Variants in STX11 observed in about 807,000 individuals in gnomAD.
STX11 encodes syntaxin-11.
In STX11, 21 loss-of-function variants were observed where a neutral mutation model predicts 19.9. The ratio of observed to expected loss-of-function variants is 1.06; its 90% CI spans 0.75 to 1.52. The LOEUF (loss-of-function observed/expected upper bound fraction) is 1.52. Among genes scored for constraint, STX11 ranks in the 40% most tolerant of loss-of-function variants. The probability of loss-of-function intolerance (pLI) is 0.00; values close to 1 mark genes in which losing one functional copy is unlikely to be tolerated. For synonymous variants in STX11, 193 were observed against 174.4 expected, an observed-to-expected ratio of 1.11 and a Z score of -0.84; for missense variants, 438 against 405.9, an observed-to-expected ratio of 1.08 and a Z score of -0.68.
chr6:144,185,584 T>C (rs993630642), intron 1 of STX11, among the ~76,000 whole-genome samples: 3 of 152,212 alleles, frequency 2.0e-5, no homozygotes, highest in Non-Finnish European at 4.4e-5. Context: ...AACATTCTGC[T>C]TGAGCTGCCA....
At position 144,162,246 on chromosome 6, in the gene STX11, T is replaced by C. The variant is rs1430611965; in HGVS notation, c.-6+11543T>C. ...TAGATACTCGGCCTTTTATTATGAGTTCTGAGTCTTTAGAAATTTATTTGA... is the reference window on the plus strand; with the variant it reads ...TAGATACTCGGCCTTTTATTATGAGCTCTGAGTCTTTAGAAATTTATTTGA... On this transcript the variant is annotated intron_variant, in intron 1 of 1. Transcript: ENST00000367568. This position sits in a 1 kb window ranked among gnomAD's most constrained non-coding sequence, Gnocchi z 4.6. 6.6e-6 allele frequency among the ~76,000 whole-genome samples: 1 copy of C among 152,200 alleles called. No homozygotes were observed. The highest frequency in any genetic ancestry group is 2.4e-5 in the African/African-American group (1 of 41,438).
chr6:144,171,881 T>C (rs1342631873), intron 1 of STX11, among the ~76,000 whole-genome samples: 1 of 152,154 alleles, frequency 6.6e-6, no homozygotes, highest in Middle Eastern at 3.2e-3. Flanking sequence ...ATCACAAAGG[T>C]CTACTGAATT....
At position 144,175,455 on chromosome 6, in the gene STX11, T is replaced by C. The variant is rs1801754779; in HGVS notation, c.-5-11168T>C. 6.6e-6 allele frequency among the ~76,000 whole-genome samples: 1 copy of C among 152,140 alleles called. No homozygotes were observed. Among genetic ancestry groups the C allele is most frequent in the Admixed American group, 6.5e-5 (1 of 15,280 alleles). The stretch of plus-strand genomic sequence containing the variant: ...CCGAGTAGCTGGGACTACAGGTATA[T>C]GCCACCACGCCCAGCTGATTTTTGT... On this transcript the variant is annotated intron_variant, in intron 1 of 1. Coordinates refer to ENST00000367568, the MANE Select transcript of STX11 (RefSeq NM_003764.4). The surrounding 1 kb of genome is among the most constrained non-coding windows in gnomAD (Gnocchi z 5.1).
Position 144,177,096 on chromosome 6 carries a change from G to A in STX11, c.-5-9527G>A, listed in dbSNP as rs150818600. Among the ~76,000 whole-genome samples, 472 of 152,222 alleles carry A rather than the reference G, an allele frequency of 3.1e-3. 3 individuals carry two copies. The highest frequency in any genetic ancestry group is 0.01 in the Middle Eastern group (3 of 294). ...TAAAGGAATGTAAAAATTCTTAACT[G>A]GTGTTACGAGTTGGAAAAGAAAAGG... On this transcript the variant is annotated intron_variant, in intron 1 of 1. Transcript: ENST00000367568. The surrounding 1 kb of genome is among the most constrained non-coding windows in gnomAD (Gnocchi z 4.4).
At chr6:144,145,494 T>C in the STX11 span, among the ~76,000 whole-genome samples, 1 of 152,170 alleles carries the variant, frequency 6.6e-6, no homozygotes, top group African/African-American at 2.4e-5. Context: ...AGATATAGAA[T>C]CAACATAAGT....
rs553007900 is a variant in STX11 at position 144,190,060 on chromosome 6, C to T, written c.*2569C>T. Among the ~76,000 whole-genome samples, 77 of 152,254 alleles carry T rather than the reference C, an allele frequency of 5.1e-4. No homozygotes were observed. Among genetic ancestry groups the T allele is most frequent in the African/African-American group, 1.7e-3 (69 of 41,546 alleles). On this transcript the variant is annotated 3_prime_UTR_variant, in exon 2 of 2. Coordinates refer to ENST00000367568, the MANE Select transcript of STX11 (RefSeq NM_003764.4). ...TCAGGCTCTATATACATTTTAATTC[C>T]TCACGTTTTATATTGGAGAGTTCGG...
Position 144,175,911 on chromosome 6 carries a change from T to G in STX11, c.-5-10712T>G, listed in dbSNP as rs766502160. Among the ~76,000 whole-genome samples, 1 of 152,202 alleles carries G rather than the reference T, an allele frequency of 6.6e-6. No individual in the cohort carries two copies. Among genetic ancestry groups the G allele is most frequent in the Non-Finnish European group, 1.5e-5 (1 of 68,050 alleles). On this transcript the variant is annotated intron_variant, in intron 1 of 1. Coordinates refer to ENST00000367568, the MANE Select transcript of STX11 (RefSeq NM_003764.4). This position sits in a 1 kb window ranked among gnomAD's most constrained non-coding sequence, Gnocchi z 5.1. ...GATGTGGCTTACATCTGTGGGACTGTGCATTCTGATCTTGAAGCCAGCATT... is the reference window on the plus strand; with the variant it reads ...GATGTGGCTTACATCTGTGGGACTGGGCATTCTGATCTTGAAGCCAGCATT...
Position 144,189,693 on chromosome 6 carries a change from G to A in STX11, c.*2202G>A, listed in dbSNP as rs547432193. Among the ~76,000 whole-genome samples the A allele has an allele frequency of 9.5e-4, 144 of 152,302 alleles. 1 individual carries two copies. The highest frequency in any genetic ancestry group is 3.4e-3 in the African/African-American group (143 of 41,582). On this transcript the variant is annotated 3_prime_UTR_variant, in exon 2 of 2. Coordinates refer to ENST00000367568, the MANE Select transcript of STX11 (RefSeq NM_003764.4). ...GGAGCTCACTGCCTGACTTGCTTAT[G>A]ACCAGGAAAATCTATCCCCTGTATC...
At chr6:144,173,432 G>A (rs997328219) in intron 1 of STX11, among the ~76,000 whole-genome samples, 3 of 152,128 alleles carry the variant, frequency 2.0e-5, no homozygotes, top group Admixed American at 6.5e-5. Flanking sequence ...CAATTTTACC[G>A]AGGTCTAAGG....
intron 1 of STX11, among the ~76,000 whole-genome samples, chr6:144,168,972 A>G (rs1346920633): frequency 2.0e-5 from 3 of 152,232 alleles, no homozygotes; most frequent in Non-Finnish European, 2.9e-5. Context: ...AATTCTTGCA[A>G]CTGTCATCCA....
At chr6:144,148,425 A>G (rs1158030823), upstream of STX11, among the ~76,000 whole-genome samples, 1 of 152,190 alleles carries the variant, frequency 6.6e-6, no homozygotes, top group Non-Finnish European at 1.5e-5. Flanking sequence ...AAAATATAAC[A>G]TACCTCATCC....
Position 144,187,758 on chromosome 6 carries a change from C to G in STX11, c.*267C>G. ...ATATGACACCTTGCACTCTTACCGT[C>G]TTGACAGAAGCCAAGTAAGGAACTG... On this transcript the variant is annotated 3_prime_UTR_variant, in exon 2 of 2. Coordinates refer to ENST00000367568, the MANE Select transcript of STX11 (RefSeq NM_003764.4). The surrounding 1 kb of genome is among the most constrained non-coding windows in gnomAD (Gnocchi z 5.6). The G allele has an allele frequency of 1.7e-6, 1 of 572,700 alleles. No homozygotes were observed. The highest frequency in any genetic ancestry group is 2.1e-5 in the South Asian group (1 of 46,946). 35.5% of individuals were successfully genotyped at this position (572,700 alleles called of 1,614,324 possible). A position where few individuals can be genotyped will look rare whatever the true frequency, so the allele number is the denominator to read the frequency against.
upstream of STX11, among the ~76,000 whole-genome samples, chr6:144,149,519 C>T (rs1177796811): frequency 6.6e-6 from 1 of 152,284 alleles, no homozygotes; most frequent in East Asian, 1.9e-4. This position sits in a 1 kb window ranked among gnomAD's most constrained non-coding sequence, Gnocchi z 5.1. Flanking sequence ...TTCTGTCGCC[C>T]AGGCTGGAGT....
rs1800979911 is a variant in STX11, at chr6:144,150,678, G to T, written c.-31G>T. 6.1e-6 allele frequency: 6 copies of T among 985,392 alleles called. No homozygotes were observed. Among genetic ancestry groups the T allele is most frequent in the Non-Finnish European group, 7.2e-6 (6 of 829,952 alleles). The allele number at this position is 985,392 out of a possible 1,614,324, so 61.0% of individuals were successfully genotyped here. On this transcript the variant is annotated 5_prime_UTR_variant, in exon 1 of 2. Coordinates refer to ENST00000367568, the MANE Select transcript of STX11 (RefSeq NM_003764.4). ...CGCCCTGCCGGGAGAGGGGCTTCTC[G>T]GTTCGCACTCTCGCTCCCAGTCCAG... is the stretch of plus-strand genomic sequence containing the variant.
chr6:144,176,358 C>G lies in STX11; in HGVS notation c.-5-10265C>G, dbSNP rs1801777867. Among the ~76,000 whole-genome samples, 1 of 151,996 alleles carries G rather than the reference C, an allele frequency of 6.6e-6. No homozygotes were observed. The highest frequency in any genetic ancestry group is 2.1e-4 in the South Asian group (1 of 4,826). ...TGGGTGAACTTAACTTCTCCGAGAC[C>G]CAGTTATTAGTAAATCGAAAATGAT... On this transcript the variant is annotated intron_variant, in intron 1 of 1. Coordinates refer to ENST00000367568, the MANE Select transcript of STX11 (RefSeq NM_003764.4). The surrounding 1 kb of genome is among the most constrained non-coding windows in gnomAD (Gnocchi z 4.1).
chr6:144,156,537 C>T (rs1262757469), intron 1 of STX11, among the ~76,000 whole-genome samples: 1 of 152,198 alleles, frequency 6.6e-6, no homozygotes, highest in African/African-American at 2.4e-5. Flanking sequence ...TCAATTTCAG[C>T]TTTTCAGAAT....
In STX11 at chr6:144,186,810, C is replaced by T. The variant is rs374922198; in HGVS notation, c.183C>T (p.Asp61=). The T allele has an allele frequency of 1.5e-5, 25 of 1,613,606 alleles. No homozygotes were observed. The highest frequency in any genetic ancestry group is 1.6e-4 in the Middle Eastern group (1 of 6,084). The stretch of plus-strand genomic sequence containing the variant: ...ATGAAAACCAGCTGCTGGTGGCCGA[C>T]GTGAAGCGGCTGGGAAAGCAGAACG... ...IQDENQLLVA[D]VKRLGKQNAR... The change falls in exon 2 of 2, where the codon GAC becomes GAT. Residue 61 remains aspartate, a synonymous_variant. Transcript: ENST00000367568.
intron 1 of STX11, among the ~76,000 whole-genome samples, chr6:144,178,870 C>G (rs986341508): frequency 2.6e-5 from 4 of 151,582 alleles, no homozygotes; most frequent in Non-Finnish European, 5.9e-5. Context: ...TTCGGAGCAG[C>G]AAGAAAATTA....
chr6:144,150,341 G>A (rs1014395055), upstream of STX11, among the ~76,000 whole-genome samples: 2 of 152,216 alleles, frequency 1.3e-5, no homozygotes, highest in Admixed American at 1.3e-4. Context: ...CTTGCGGGAG[G>A]GGCTGGAGCG....
Sources: allele counts gnomAD v4.1 joint callset (sites outside exome capture counted in the v4.1 genomes callset), GRCh38; gene constraint gnomAD v4.1.1; non-coding constraint Gnocchi (gnomAD v3.1); transcripts MANE v1.5; gene names NCBI Gene and HGNC (gene_info 2026-07-23, HGNC 2026-07-21).